The following RNF43 variants were observed in gnomAD, a reference collection of about 807,000 sequenced individuals.
The protein encoded by RNF43 is ring finger protein 43.
RNF43 carries 37 observed loss-of-function variants against 78.4 expected under a neutral mutation model. The observed-to-expected ratio is 0.47, with a 90% CI of 0.36 to 0.62. The LOEUF (loss-of-function observed/expected upper bound fraction) is 0.62, where lower values mean the gene tolerates loss of function less well. Among genes scored for constraint, RNF43 ranks in the 20% least tolerant of loss-of-function variants. The pLI is 0.00. For missense variants in RNF43, 774 were observed against 1,007.9 expected (o/e 0.77, Z 3.14); for synonymous variants, 347 against 395.0 (o/e 0.88, Z 1.44).
At chr17:58,355,504 T>G (rs1237051721) in intron 9 of RNF43, among the ~76,000 whole-genome samples, 1 of 152,066 alleles carries the variant, frequency 6.6e-6, no homozygotes, top group Non-Finnish European at 1.5e-5. Flanking sequence ...TTTATGGGAA[T>G]AGAGAAGGCA....
chr17:58,393,565 C>T (rs1973604941), intron 2 of RNF43, among the ~76,000 whole-genome samples: 1 of 152,140 alleles, frequency 6.6e-6, no homozygotes, highest in Non-Finnish European at 1.5e-5. Context: ...TTGGGGGTAT[C>T]ATATGTTATA....
intron 2 of RNF43, among the ~76,000 whole-genome samples, chr17:58,376,421 T>C (rs1185113232): frequency 6.6e-6 from 1 of 152,200 alleles, no homozygotes; most frequent in Non-Finnish European, 1.5e-5. Flanking sequence ...CAATTATATC[T>C]GTGGTATGAC....
chr17:58,405,706 GAAAGAAA>G (rs2143659931), intron 2 of RNF43, among the ~76,000 whole-genome samples: 1 of 111,826 alleles, frequency 8.9e-6, no homozygotes, highest in East Asian at 3.4e-4. Context: ...ATGACAGAAA[GAAAGAAA>G]GAAAGAAAGA....
intron 3 of RNF43, among the ~76,000 whole-genome samples, chr17:58,369,876 G>A (rs1567879996): frequency 6.6e-6 from 1 of 152,088 alleles, no homozygotes; most frequent in Non-Finnish European, 1.5e-5. Context: ...AACTGCTATT[G>A]TTAGTTAAAG....
At chr17:58,401,594 C>A (rs1973801840) in intron 2 of RNF43, among the ~76,000 whole-genome samples, 1 of 152,262 alleles carries the variant, frequency 6.6e-6, no homozygotes, top group South Asian at 2.1e-4. Flanking sequence ...AAACAAAATG[C>A]CAAATCCTAT....
intron 2 of RNF43, among the ~76,000 whole-genome samples, chr17:58,376,370 TAAAA>T (rs11381216): frequency 1.3e-5 from 2 of 151,514 alleles, no homozygotes; most frequent in Non-Finnish European, 2.9e-5. Context: ...TTAGATTTGA[TAAAA>T]AAAATAAATA....
rs1315115030 is a variant in RNF43, at chr17:58,354,964, C to T, written c.2331G>A (p.Glu777=). ...AQPGSEEELE[E]LCEQAV ...CATCTCACACAGCCTGTTCACACAG[C>T]TCCTCGAGTTCCTCCTCTGAGCCTG... The change falls in exon 10 of 10, where the codon GAG becomes GAA. Residue 777 remains glutamate (E), a synonymous_variant. Transcript: ENST00000407977. 6.2e-7 allele frequency: 1 copy of T among 1,614,138 alleles called. No homozygotes were observed. Among genetic ancestry groups the T allele is most frequent in the East Asian group, 2.2e-5 (1 of 44,884 alleles).
intron 6 of RNF43, among the ~76,000 whole-genome samples, chr17:58,361,648 GT>G (rs1223459737): frequency 6.6e-6 from 1 of 152,060 alleles, no homozygotes; most frequent in Non-Finnish European, 1.5e-5. Context: ...AGTGGCTCCT[GT>G]TTCACCCACA....
Position 58,357,203 on chromosome 17 carries a change from C to T in RNF43, c.2308+265G>A. ...GCCATCACACCCGGCCTTCCAAGTG[C>T]CTTTCTGATGCCTCAGCCACACCAG... On this transcript the variant is annotated intron_variant, in intron 9 of 9. Coordinates refer to ENST00000407977, the MANE Select transcript of RNF43 (RefSeq NM_017763.6). This position sits in a 1 kb window ranked among gnomAD's most constrained non-coding sequence, Gnocchi z 4.5. 1.4e-6 allele frequency: 1 copy of T among 704,806 alleles called. No homozygotes were observed. The highest frequency in any genetic ancestry group is 2.0e-5 in the Admixed American group (1 of 50,012). The allele number at this position is 704,806 out of a possible 1,614,324, so 43.7% of individuals were successfully genotyped here. A position where few individuals can be genotyped will look rare whatever the true frequency, so the allele number is the denominator to read the frequency against.
At position 58,357,523 on chromosome 17, in the gene RNF43, G is replaced by A. The variant is rs755350796; in HGVS notation, c.2253C>T (p.Thr751=). Reference sequence around the variant, plus strand: ...GATAAGGGCATGGCCTGCCCTCTGCGGTGTCAGAACTCCATTCAGAAGGCC... The same window carrying A: ...GATAAGGGCATGGCCTGCCCTCTGCAGTGTCAGAACTCCATTCAGAAGGCC... ...GEGPSEWSSD[T]AEGRPCPYPH... The change falls in exon 9 of 10, where the codon ACC becomes ACT. Residue 751 remains threonine (T), a synonymous_variant. Coordinates refer to ENST00000407977, the MANE Select transcript of RNF43 (RefSeq NM_017763.6). The surrounding 1 kb of genome is among the most constrained non-coding windows in gnomAD (Gnocchi z 4.5). 33 of 1,614,220 alleles carry A rather than the reference G, an allele frequency of 2.0e-5. No individual in the cohort carries two copies. The highest frequency in any genetic ancestry group is 2.6e-5 in the Non-Finnish European group (31 of 1,180,050).
chr17:58,400,100 A>G (rs960777758), intron 2 of RNF43, among the ~76,000 whole-genome samples: 1 of 152,226 alleles, frequency 6.6e-6, no homozygotes, highest in African/African-American at 2.4e-5. Flanking sequence ...AAGGAAGCTA[A>G]TGGGGTTACC....
Position 58,354,187 on chromosome 17 carries a change from T to C in RNF43, c.*756A>G, listed in dbSNP as rs1226426083. On this transcript the variant is annotated 3_prime_UTR_variant, in exon 10 of 10. Transcript: ENST00000407977. ...TCATTCCATCCTTCCTCTGCCCAGA[T>C]AAAGTCCAGCAGAAATTCCTCCTTT... The C allele has an allele frequency of 9.8e-6, 2 of 204,346 alleles. No homozygotes were observed. The highest frequency in any genetic ancestry group is 2.0e-5 in the Non-Finnish European group (2 of 99,790). The allele number at this position is 204,346 out of a possible 1,614,324, so 12.7% of individuals were successfully genotyped here.
chr17:58,398,208 A>AATCCTTTC (rs1341721787), intron 2 of RNF43, among the ~76,000 whole-genome samples: 7 of 152,192 alleles, frequency 4.6e-5, no homozygotes, highest in African/African-American at 1.7e-4. Flanking sequence ...GTACTGTTGA[A>AATCCTTTC]ATCCTTTCTT....
At chr17:58,408,029 C>A (rs1241976114) in intron 2 of RNF43, among the ~76,000 whole-genome samples, 2 of 152,202 alleles carry the variant, frequency 1.3e-5, no homozygotes, top group African/African-American at 4.8e-5. Flanking sequence ...TCAATTTTTA[C>A]TTCTGGAGTT....
chr17:58,360,030 C>G lies in RNF43; in HGVS notation c.952+119G>C, dbSNP rs1365838960. On this transcript the variant is annotated intron_variant, in intron 8 of 9. Coordinates refer to ENST00000407977, the MANE Select transcript of RNF43 (RefSeq NM_017763.6). The surrounding 1 kb of genome is among the most constrained non-coding windows in gnomAD (Gnocchi z 4.3). The stretch of plus-strand genomic sequence containing the variant: ...ACTCTGGAGCAGTGTACAGCCCATA[C>G]AACTATGGTGGCAGTTCTGCTTTCT... The G allele has an allele frequency of 2.7e-6, 2 of 745,996 alleles. No homozygotes were observed. Among genetic ancestry groups the G allele is most frequent in the African/African-American group, 3.4e-5 (2 of 58,070 alleles). 46.2% of individuals were successfully genotyped at this position (745,996 alleles called of 1,614,324 possible). A position where few individuals can be genotyped will look rare whatever the true frequency, so the allele number is the denominator to read the frequency against.
chr17:58,357,805 C>A lies in RNF43; in HGVS notation c.1971G>T (p.Arg657=). Residue 657 remains arginine (R), a synonymous_variant, in exon 9 of 10, where the codon CGG becomes CGT. Transcript: ENST00000407977. This position sits in a 1 kb window ranked among gnomAD's most constrained non-coding sequence, Gnocchi z 4.5. ...LSARHPQRKR[R]GGPSEPTPGS... The stretch of plus-strand genomic sequence containing the variant: ...CAGGGGTGGGCTCGGAGGGACCCCC[C>A]CGCCTTTTCCTCTGTGGGTGTCGGG... 6.2e-7 allele frequency: 1 copy of A among 1,614,144 alleles called. No individual in the cohort carries two copies. Among genetic ancestry groups the A allele is most frequent in the Non-Finnish European group, 8.5e-7 (1 of 1,180,020 alleles).
chr17:58,372,802 C>T (rs149804090), intron 2 of RNF43, among the ~76,000 whole-genome samples: 93 of 152,288 alleles, frequency 6.1e-4, no homozygotes, highest in African/African-American at 2.2e-3. Flanking sequence ...GGTATGTGTT[C>T]ACCTCAGGGA....
chr17:58,368,265 C>T (rs1972997658), intron 3 of RNF43, among the ~76,000 whole-genome samples: 1 of 152,068 alleles, frequency 6.6e-6, no homozygotes. Flanking sequence ...AACAGATGTT[C>T]GGCTGGGTGC....
chr17:58,402,311 A>G (rs1435448015), intron 2 of RNF43, among the ~76,000 whole-genome samples: 1 of 152,240 alleles, frequency 6.6e-6, no homozygotes, highest in African/African-American at 2.4e-5. Context: ...AAGGGATAGG[A>G]AGAGATTGGA....
Sources: gnomAD v4.1 joint callset for allele counts (sites outside exome capture counted in the v4.1 genomes callset) on GRCh38, gnomAD v4.1.1 for gene constraint, Gnocchi (gnomAD v3.1) non-coding constraint, MANE v1.5 for transcripts, NCBI Gene and HGNC (gene_info 2026-07-23, HGNC 2026-07-21) for gene names.